ZNF425: variants seen among roughly 807,000 people sequenced by gnomAD.
ZNF425 encodes zinc finger protein 425.
ZNF425 carries 21 observed loss-of-function variants against 17.0 expected under a neutral mutation model. That is an observed-to-expected ratio of 1.23 (90% CI 0.88 to 1.78). The LOEUF is 1.78. Ranked by LOEUF, ZNF425 falls within the 40% of genes most tolerant of loss-of-function variation. The probability of loss-of-function intolerance (pLI) is 0.00; values close to 1 mark genes in which losing one functional copy is unlikely to be tolerated. For synonymous variants in ZNF425, 433 were observed against 384.1 expected, an observed-to-expected ratio of 1.13 and a Z score of -1.49; for missense variants, 868 against 967.3, an observed-to-expected ratio of 0.90 and a Z score of 1.36.
At position 149,104,064 on chromosome 7, in the gene ZNF425, G is replaced by A. The variant is rs143891953; in HGVS notation, c.1807C>T (p.Leu603=). The A allele has an allele frequency of 3.2e-4, 515 of 1,613,314 alleles. No individual in the cohort carries two copies. The highest frequency in any genetic ancestry group is 7.1e-4 in the East Asian group (32 of 44,876). ...TGGTAGGGCTTCTCTCCACTGTGCAGCCTCAGGTGCTCGGTGAGCTGAGAC... is the reference window on the plus strand; with the variant it reads ...TGGTAGGGCTTCTCTCCACTGTGCAACCTCAGGTGCTCGGTGAGCTGAGAC... ...HQSQLTEHLR[L]HSGEKPYQCP... Residue 603 remains leucine, a synonymous_variant, in exon 4 of 4, where the codon CTG becomes TTG. Coordinates refer to ENST00000378061, the MANE Select transcript of ZNF425 (RefSeq NM_001001661.3). The surrounding 1 kb of genome is among the most constrained non-coding windows in gnomAD (Gnocchi z 4.3).
Position 149,118,548 on chromosome 7 carries a change from C to T in ZNF425, c.19-200G>A, listed in dbSNP as rs1435021800. On this transcript the variant is annotated intron_variant, in intron 1 of 3. Transcript: ENST00000378061. ...AATGAATGGGCCGGGCCCAGTCGCTCACGCCTGTAATCCCAGCACTTTGGG... is the reference window on the plus strand; with the variant it reads ...AATGAATGGGCCGGGCCCAGTCGCTTACGCCTGTAATCCCAGCACTTTGGG... The T allele has an allele frequency of 6.5e-6, 4 of 613,134 alleles. No homozygotes were observed. The East Asian group carries it at 1.3e-4, about 20-fold the overall frequency. The allele number at this position is 613,134 out of a possible 1,614,324, so 38.0% of individuals were successfully genotyped here.
chr7:149,117,301 C>T (rs1438181933), intron 2 of ZNF425, among the ~76,000 whole-genome samples: 1 of 151,790 alleles, frequency 6.6e-6, no homozygotes, highest in East Asian at 1.9e-4. Context: ...TCAGAATAAG[C>T]CGGATAAGCA....
intron 1 of ZNF425, among the ~76,000 whole-genome samples, chr7:149,123,968 C>T (rs11971728): frequency 0.036 from 5,463 of 151,656 alleles, 319 homozygotes; most frequent in African/African-American, 0.12. Flanking sequence ...CTGACTCAGC[C>T]TCCCGAGTAG....
chr7:149,107,671 G>A (rs1163789755), intron 3 of ZNF425, among the ~76,000 whole-genome samples: 1 of 151,822 alleles, frequency 6.6e-6, no homozygotes, highest in Non-Finnish European at 1.5e-5. Context: ...AATCACTACT[G>A]TTCCCAAAGT....
chr7:149,121,946 C>T (rs778744710), intron 1 of ZNF425, among the ~76,000 whole-genome samples: 25 of 151,958 alleles, frequency 1.6e-4, no homozygotes, highest in Non-Finnish European at 2.6e-4. Context: ...GACGGAGTCT[C>T]GCTCTGTCAC....
At chr7:149,106,106 C>T (rs1261183007) in intron 3 of ZNF425, among the ~76,000 whole-genome samples, 1 of 150,254 alleles carries the variant, frequency 6.7e-6, no homozygotes, top group East Asian at 2.0e-4. Context: ...AGGCACCCAC[C>T]ACCACGCCTG....
chr7:149,110,593 G>A (rs968776230), intron 3 of ZNF425, among the ~76,000 whole-genome samples: 80 of 151,058 alleles, frequency 5.3e-4, no homozygotes, highest in African/African-American at 9.7e-4. Context: ...AAAAGCATTC[G>A]CGCACTATAA....
At chr7:149,118,551 G>A (rs1826303420) in intron 1 of ZNF425, 4 of 595,426 alleles carry the variant, frequency 6.7e-6, no homozygotes, top group South Asian at 2.0e-5. Flanking sequence ...AGTCGCTCAC[G>A]CCTGTAATCC....
intron 2 of ZNF425, among the ~76,000 whole-genome samples, chr7:149,116,785 C>A (rs1484829539): frequency 6.7e-6 from 1 of 149,994 alleles, no homozygotes; most frequent in Non-Finnish European, 1.5e-5. Context: ...ACAACCTGAG[C>A]CCAGGCACTC....
In ZNF425 at chr7:149,103,514, G is replaced by T. The variant is rs994833975; in HGVS notation, c.*98C>A. On this transcript the variant is annotated 3_prime_UTR_variant, in exon 4 of 4. Transcript: ENST00000378061. ...ATTACAGGCGGGAGCCACTGTGCCC[G>T]ATCTTACCCTGTGAATCCTTCAACC... is the stretch of plus-strand genomic sequence containing the variant. The T allele has an allele frequency of 1.7e-5, 25 of 1,434,366 alleles. No individual in the cohort carries two copies. The African/African-American group carries it at 3.1e-4, about 18-fold the overall frequency. 88.9% of individuals were successfully genotyped at this position (1,434,366 alleles called of 1,614,324 possible). A position where few individuals can be genotyped will look rare whatever the true frequency, so the allele number is the denominator to read the frequency against.
At chr7:149,115,718 T>C (rs1826254869) in intron 2 of ZNF425, among the ~76,000 whole-genome samples, 1 of 149,048 alleles carries the variant, frequency 6.7e-6, no homozygotes, top group Admixed American at 6.7e-5. Context: ...AGGGTTTCCA[T>C]AAATCAGTAG....
chr7:149,114,959 G>A (rs1826238032), intron 2 of ZNF425, among the ~76,000 whole-genome samples: 1 of 116,372 alleles, frequency 8.6e-6, no homozygotes. Flanking sequence ...TTTTGAGACA[G>A]AGTCTTACTC....
chr7:149,126,002 C>A lies in ZNF425; in HGVS notation c.18+194G>T, dbSNP rs370613035. 194 of 1,208,702 alleles carry A rather than the reference C, an allele frequency of 1.6e-4. 3 individuals carry two copies. The highest frequency in any genetic ancestry group is 1.5e-3 in the Middle Eastern group (6 of 4,070). 74.9% of individuals were successfully genotyped at this position (1,208,702 alleles called of 1,614,324 possible). A position where few individuals can be genotyped will look rare whatever the true frequency, so the allele number is the denominator to read the frequency against. ...CAAGCCCGGCCAGACCAGCTTTTCC[C>A]CAGGTCAATTCCAGAACAGCACACG... On this transcript the variant is annotated intron_variant, in intron 1 of 3. Coordinates refer to ENST00000378061, the MANE Select transcript of ZNF425 (RefSeq NM_001001661.3).
rs1826188220 is a variant in ZNF425 at position 149,112,315 on chromosome 7, A to G, written c.146-20T>C. Reference sequence around the variant, plus strand: ...CATACCCTGCAAATAGAGTCCACACAGACTTTGAGTTTACTGCATACTTAA... The same window carrying G: ...CATACCCTGCAAATAGAGTCCACACGGACTTTGAGTTTACTGCATACTTAA... On this transcript the variant is annotated intron_variant, in intron 2 of 3. Coordinates refer to ENST00000378061, the MANE Select transcript of ZNF425 (RefSeq NM_001001661.3). 1.9e-6 allele frequency: 3 copies of G among 1,608,150 alleles called. No individual in the cohort carries two copies. The African/African-American group carries it at 4.0e-5, about 22-fold the overall frequency.
Position 149,104,137 on chromosome 7 carries a change from G to A in ZNF425, c.1734C>T (p.Asp578=), listed in dbSNP as rs927284605. Residue 578 remains aspartate, a synonymous_variant, in exon 4 of 4, where the codon GAC becomes GAT. Coordinates refer to ENST00000378061, the MANE Select transcript of ZNF425 (RefSeq NM_001001661.3). The surrounding 1 kb of genome is among the most constrained non-coding windows in gnomAD (Gnocchi z 4.3). ...SMKFHQRMHR[D]EKPFACGECD... is the part of the protein sequence containing the mutation. ...ACTCACCGCACGCGAAGGGCTTCTC[G>A]TCCCTGTGCATCCGCTGGTGGAACT... 5.0e-6 allele frequency: 8 copies of A among 1,612,500 alleles called. No individual in the cohort carries two copies. The highest frequency in any genetic ancestry group is 2.2e-5 in the East Asian group (1 of 44,784).
chr7:149,102,974 A>C lies in ZNF425; in HGVS notation c.*638T>G, dbSNP rs1342608922. The C allele has an allele frequency of 6.6e-6, 1 of 152,228 alleles. No individual in the cohort carries two copies. The highest frequency in any genetic ancestry group is 1.5e-5 in the Non-Finnish European group (1 of 68,052). The allele number at this position is 152,228 out of a possible 1,614,324, so 9.4% of individuals were successfully genotyped here. ...ACTGAGGAATATGTTCCTGGCTGTA[A>C]CATTTCTTCACTCAGGCTGTAGTTT... On this transcript the variant is annotated 3_prime_UTR_variant, in exon 4 of 4. Coordinates refer to ENST00000378061, the MANE Select transcript of ZNF425 (RefSeq NM_001001661.3).
Position 149,126,185 on chromosome 7 carries a change from G to A in ZNF425, c.18+11C>T, listed in dbSNP as rs747166936. 2 of 1,613,204 alleles carry A rather than the reference G, an allele frequency of 1.2e-6. No individual in the cohort carries two copies. The highest frequency in any genetic ancestry group is 2.2e-5 in the East Asian group (1 of 44,838). On this transcript the variant is annotated intron_variant, in intron 1 of 3. Transcript: ENST00000378061. ...TCGACAGAGCCTGCATCCTCCACCGGCCCTTCTTACCGAAGCCGGCTCGGC... is the reference window on the plus strand; with the variant it reads ...TCGACAGAGCCTGCATCCTCCACCGACCCTTCTTACCGAAGCCGGCTCGGC...
chr7:149,112,026 C>G (rs1826184892), intron 3 of ZNF425, 111 bp downstream of exon 3: 1 of 1,199,536 alleles, frequency 8.3e-7, no homozygotes, highest in African/African-American at 1.5e-5. Context: ...CATTCTCCAT[C>G]AAAACAACTT....
At chr7:149,110,567 CA>C (rs776168505) in intron 3 of ZNF425, among the ~76,000 whole-genome samples, 1,047 of 80,776 alleles carry the variant, frequency 0.013, 6 homozygotes, top group Middle Eastern at 0.066. Context: ...CTCCATCTCA[CA>C]AAAAAAAAAA....
Sources: allele counts gnomAD v4.1 joint callset (sites outside exome capture counted in the v4.1 genomes callset), GRCh38; gene constraint gnomAD v4.1.1; non-coding constraint Gnocchi (gnomAD v3.1); transcripts MANE v1.5; gene names NCBI Gene and HGNC (gene_info 2026-07-23, HGNC 2026-07-21).